The following NEURL1 variants were observed in gnomAD, a reference collection of about 807,000 sequenced individuals.
NEURL1 encodes neuralized E3 ubiquitin protein ligase 1.
In NEURL1, 26 loss-of-function variants were observed where a neutral mutation model predicts 41.2. That is an observed-to-expected ratio of 0.63 (90% confidence interval 0.46 to 0.87). The LOEUF is 0.87. Ranked by LOEUF, NEURL1 falls within the 40% of genes least tolerant of loss-of-function variation. The pLI is 0.00. For missense variants in NEURL1, 761 were observed against 871.1 expected, an observed-to-expected ratio of 0.87 and a Z score of 1.59; for synonymous variants, 400 against 402.3, an observed-to-expected ratio of 0.99 and a Z score of 0.07.
chr10:103,562,703 C>T (rs2133873430), intron 1 of NEURL1, among the ~76,000 whole-genome samples: 1 of 152,258 alleles, frequency 6.6e-6, no homozygotes, highest in Non-Finnish European at 1.5e-5. Context: ...CTGATGGGGT[C>T]CTCAAAGGTC....
chr10:103,493,770 G>A lies in NEURL1; in HGVS notation c.-618G>A, dbSNP rs1310173634. On this transcript the variant is annotated 5_prime_UTR_variant, in exon 1 of 6. Transcript: ENST00000369780. ...GAGCGAGGGAATCCTGGAGACTGCC[G>A]GGGCGGGGGGCGGGGGCGGCGGTCG... Among the ~76,000 whole-genome samples, 2 of 152,080 alleles carry A rather than the reference G, an allele frequency of 1.3e-5. No individual in the cohort carries two copies. The highest frequency in any genetic ancestry group is 4.1e-4 in the South Asian group (2 of 4,828).
chr10:103,572,285 C>T (rs999362669), intron 3 of NEURL1, among the ~76,000 whole-genome samples: 2 of 152,200 alleles, frequency 1.3e-5, no homozygotes, highest in East Asian at 1.9e-4. Context: ...GAGCCATGGC[C>T]GTTGAGGGGT....
chr10:103,592,254 G>C lies in NEURL1; in HGVS notation c.*1882G>C, dbSNP rs1030669009. The C allele has an allele frequency of 3.9e-5, 6 of 152,500 alleles. No individual in the cohort carries two copies. The highest frequency in any genetic ancestry group is 1.4e-4 in the African/African-American group (6 of 41,454). 9.4% of individuals were successfully genotyped at this position (152,500 alleles called of 1,614,324 possible). On this transcript the variant is annotated 3_prime_UTR_variant, in exon 6 of 6. Coordinates refer to ENST00000369780, the MANE Select transcript of NEURL1 (RefSeq NM_004210.5). This position sits in a 1 kb window ranked among gnomAD's most constrained non-coding sequence, Gnocchi z 4.8. ...GGAGTTCTTCCGTGAGGGCTGCCAG[G>C]GGGTGGTGTGCCAGGACCTCAGGCT...
chr10:103,566,099 T>A lies in NEURL1; in HGVS notation c.86-4773T>A, dbSNP rs1389146964. Among the ~76,000 whole-genome samples the A allele has an allele frequency of 6.6e-6, 1 of 152,132 alleles. No homozygotes were observed. Among genetic ancestry groups the A allele is most frequent in the African/African-American group, 2.4e-5 (1 of 41,420 alleles). On this transcript the variant is annotated intron_variant, in intron 1 of 5. Transcript: ENST00000369780. This position sits in a 1 kb window ranked among gnomAD's most constrained non-coding sequence, Gnocchi z 4.2. ...TGGAACATTATTTCTTTCTTTTCTT[T>A]TTTTTTTAGAGACAGAATCATGCTC...
intron 1 of NEURL1, among the ~76,000 whole-genome samples, chr10:103,513,437 G>C (rs1057057973): frequency 3.3e-5 from 5 of 152,244 alleles, no homozygotes; most frequent in African/African-American, 1.2e-4. Flanking sequence ...CTGCCCCAGG[G>C]TGTGGCCTGA....
intron 1 of NEURL1, among the ~76,000 whole-genome samples, chr10:103,499,970 A>C (rs1035446532): frequency 1.3e-5 from 2 of 152,166 alleles, no homozygotes; most frequent in Non-Finnish European, 2.9e-5. Flanking sequence ...TTCTTTGGTC[A>C]ACCCACAGAT....
intron 1 of NEURL1, among the ~76,000 whole-genome samples, chr10:103,500,482 T>C (rs750439972): frequency 1.3e-5 from 2 of 152,244 alleles, no homozygotes; most frequent in Non-Finnish European, 2.9e-5. Context: ...CCTGCCCCTG[T>C]AGCATTTAGC....
chr10:103,580,495 G>T (rs1177260297), intron 3 of NEURL1, among the ~76,000 whole-genome samples: 1 of 152,172 alleles, frequency 6.6e-6, no homozygotes, highest in Non-Finnish European at 1.5e-5. Flanking sequence ...TTCTCCCATG[G>T]CTTGGGGCCC....
intron 1 of NEURL1, among the ~76,000 whole-genome samples, chr10:103,502,046 C>T (rs1190710762): frequency 6.6e-6 from 1 of 152,164 alleles, no homozygotes; most frequent in African/African-American, 2.4e-5. Flanking sequence ...GGACTGCAGG[C>T]GCACACCACT....
intron 1 of NEURL1, among the ~76,000 whole-genome samples, chr10:103,531,687 CTT>C (rs201833061): frequency 1.5e-5 from 2 of 133,916 alleles, no homozygotes; most frequent in Admixed American, 7.5e-5. Flanking sequence ...CTGGCTTTTT[CTT>C]TTTTTTTTTT....
rs2036020166 is a variant in NEURL1, at chr10:103,590,575, A to AGGGAG, written c.*210_*214dup. 1 of 590,014 alleles carries AGGGAG rather than the reference A, an allele frequency of 1.7e-6. No homozygotes were observed. The highest frequency in any genetic ancestry group is 3.0e-5 in the Admixed American group (1 of 33,698). The allele number at this position is 590,014 out of a possible 1,614,324, so 36.5% of individuals were successfully genotyped here. On this transcript the variant is annotated 3_prime_UTR_variant, in exon 6 of 6. Transcript: ENST00000369780. ...GGGGCAGAGGCAAATCACCGGGCAG[A>AGGGAG]GGGAGGGGAGGAGAGGAGGCCGCAC...
At chr10:103,537,683 C>T (rs950719307) in intron 1 of NEURL1, among the ~76,000 whole-genome samples, 6 of 152,120 alleles carry the variant, frequency 3.9e-5, no homozygotes, top group African/African-American at 1.2e-4. Flanking sequence ...CGTGAGCCAC[C>T]GCGGCTGGCT....
At chr10:103,581,527 C>T (rs926840458) in intron 3 of NEURL1, among the ~76,000 whole-genome samples, 1 of 152,146 alleles carries the variant, frequency 6.6e-6, no homozygotes, top group Non-Finnish European at 1.5e-5. Context: ...TCATATAGCC[C>T]TGTCATACAG....
chr10:103,519,233 C>T (rs1434877600), intron 1 of NEURL1, among the ~76,000 whole-genome samples: 2 of 151,920 alleles, frequency 1.3e-5, no homozygotes, highest in East Asian at 3.9e-4. Context: ...GGCAACAGAG[C>T]AAGACTCTGT....
At chr10:103,520,236 C>T (rs1437915322) in intron 1 of NEURL1, among the ~76,000 whole-genome samples, 3 of 152,120 alleles carry the variant, frequency 2.0e-5, no homozygotes, top group Non-Finnish European at 2.9e-5. Context: ...AAGAGACCAC[C>T]AAACAGGCTT....
At position 103,585,078 on chromosome 10, in the gene NEURL1, A is replaced by G; in HGVS notation, c.1192A>G (p.Ile398Val). 6.3e-7 allele frequency: 1 copy of G among 1,590,904 alleles called. No individual in the cohort carries two copies. Among genetic ancestry groups the G allele is most frequent in the Admixed American group, 1.7e-5 (1 of 59,240 alleles). Residue 398 changes from isoleucine (I) to valine (V), a missense_variant, in exon 4 of 6, where the codon ATC becomes GTC. This residue lies in a region of NEURL1 where 443 missense variants were observed against 408.1 expected (regional missense o/e 1.09). Transcript: ENST00000369780. ...RVPGPLHSGD[I>V]LGLVVNADGE... ...GCCCGGGCCCCTGCACAGCGGCGAC[A>G]TCCTGGGCCTGGTGGTCAACGCCGA...
At chr10:103,518,262 G>A (rs1483870750) in intron 1 of NEURL1, among the ~76,000 whole-genome samples, 1 of 152,068 alleles carries the variant, frequency 6.6e-6, no homozygotes, top group Non-Finnish European at 1.5e-5. Flanking sequence ...ATTATTAAAA[G>A]AGCAAATTGT....
intron 1 of NEURL1, among the ~76,000 whole-genome samples, chr10:103,506,734 A>G (rs1351338642): frequency 6.6e-6 from 1 of 151,878 alleles, no homozygotes; most frequent in Non-Finnish European, 1.5e-5. Context: ...TAATTTTTGT[A>G]TTTTTAGTAG....
chr10:103,560,067 G>A (rs2035259172), intron 1 of NEURL1, among the ~76,000 whole-genome samples: 1 of 152,040 alleles, frequency 6.6e-6, no homozygotes, highest in Non-Finnish European at 1.5e-5. Context: ...ATACACGCAT[G>A]CACACACACA....
Sources: gnomAD v4.1 joint callset for allele counts (sites outside exome capture counted in the v4.1 genomes callset) on GRCh38, gnomAD v4.1.1 for gene constraint, gnomAD v4.1.1 regional missense constraint, Gnocchi (gnomAD v3.1) non-coding constraint, MANE v1.5 for transcripts, NCBI Gene and HGNC (gene_info 2026-07-23, HGNC 2026-07-21) for gene names.